Variants in CREB5 observed in about 807,000 individuals in gnomAD.
The protein encoded by CREB5 is cAMP responsive element binding protein 5, also known as cyclic AMP-responsive element-binding protein 5.
In CREB5, 19 loss-of-function variants were observed where a neutral mutation model predicts 57.1. The ratio of observed to expected loss-of-function variants is 0.33; its 90% confidence interval spans 0.23 to 0.49. CREB5 has a LOEUF of 0.49. CREB5 is among the 20% of genes least tolerant of loss of function. The probability of loss-of-function intolerance (pLI) is 0.99; values close to 1 mark genes in which losing one functional copy is unlikely to be tolerated. For missense variants in CREB5, 579 were observed against 671.6 expected, an observed-to-expected ratio of 0.86 and a Z score of 1.52; for synonymous variants, 238 against 238.3, an observed-to-expected ratio of 1.00 and a Z score of 0.01.
chr7:28,326,180 TC>T, intron 1 of CREB5, among the ~76,000 whole-genome samples: 1 of 150,192 alleles, frequency 6.7e-6, no homozygotes, highest in African/African-American at 2.4e-5. Flanking sequence ...TATCTATCTA[TC>T]TATCTATCTA....
At chr7:28,527,202 C>T (rs1793486774) in intron 4 of CREB5, among the ~76,000 whole-genome samples, 1 of 152,234 alleles carries the variant, frequency 6.6e-6, no homozygotes, top group Admixed American at 6.5e-5. Flanking sequence ...ACTATCACTC[C>T]TTCCTAAGCA....
rs138506155 is a variant in CREB5, at chr7:28,786,758, A to G, written c.703-17441A>G. Among the ~76,000 whole-genome samples, 963 of 152,256 alleles carry G rather than the reference A, an allele frequency of 6.3e-3. 9 individuals are homozygous for G. The highest frequency in any genetic ancestry group is 0.022 in the African/African-American group (906 of 41,520). On this transcript the variant is annotated intron_variant, in intron 7 of 10. Transcript: ENST00000357727. ...GATTGTTTGAAAATTGAAGTATTAA[A>G]GCCACTACCTAACTCAGGGCCCACT...
chr7:28,813,543 C>T (rs1479558445), intron 9 of CREB5, among the ~76,000 whole-genome samples: 3 of 152,140 alleles, frequency 2.0e-5, no homozygotes, highest in Non-Finnish European at 4.4e-5. Context: ...CAAACCTGGT[C>T]TCAGCTAATC....
chr7:28,468,164 G>A (rs767204832), intron 1 of CREB5, among the ~76,000 whole-genome samples: 4 of 152,160 alleles, frequency 2.6e-5, no homozygotes, highest in Admixed American at 6.5e-5. Flanking sequence ...CAAGCCGTGG[G>A]TAGGACATAG....
At chr7:28,576,611 A>C (rs1316091896) in intron 5 of CREB5, among the ~76,000 whole-genome samples, 1 of 152,214 alleles carries the variant, frequency 6.6e-6, no homozygotes, top group Non-Finnish European at 1.5e-5. Context: ...ATGTGTAAGA[A>C]AACTATAGCA....
At chr7:28,724,165 T>C in intron 6 of CREB5, 57 bp from the exon 7 acceptor site, 1 of 1,453,062 alleles carries the variant, frequency 6.9e-7, no homozygotes, top group Non-Finnish European at 9.5e-7. Context: ...TGCAGCTTTG[T>C]CTAATGACCT....
intron 5 of CREB5, among the ~76,000 whole-genome samples, chr7:28,667,465 C>T (rs921001350): frequency 4.0e-5 from 6 of 151,828 alleles, no homozygotes; most frequent in Admixed American, 6.6e-5. Flanking sequence ...GGCATATTTC[C>T]TTTCTTCCAT....
rs1394812564 is a variant in CREB5, at chr7:28,821,490, A to G, written c.*2211A>G. On this transcript the variant is annotated 3_prime_UTR_variant, in exon 11 of 11. Transcript: ENST00000357727. ...AAAAAAAAGCAAAAAAAGAAAAGAG[A>G]AAAAAAGAAAAAATGCAAATGGAAT... 6.6e-6 allele frequency: 1 copy of G among 151,590 alleles called. No homozygotes were observed. Among genetic ancestry groups the G allele is most frequent in the Non-Finnish European group, 1.5e-5 (1 of 67,912 alleles). 9.4% of individuals were successfully genotyped at this position (151,590 alleles called of 1,614,324 possible). A position where few individuals can be genotyped will look rare whatever the true frequency, so the allele number is the denominator to read the frequency against.
At chr7:28,380,916 G>A (rs188322284) in intron 1 of CREB5, among the ~76,000 whole-genome samples, 30 of 152,284 alleles carry the variant, frequency 2.0e-4, no homozygotes, top group Admixed American at 3.9e-4. Context: ...ATAGTAAGGG[G>A]TGGTTATTTG....
chr7:28,798,121 C>T (rs1484286727), intron 7 of CREB5, among the ~76,000 whole-genome samples: 4 of 152,208 alleles, frequency 2.6e-5, no homozygotes, highest in Admixed American at 6.5e-5. Flanking sequence ...GATACTTTCA[C>T]ATTTTTTTTC....
intron 7 of CREB5, 65 bp downstream of exon 7, chr7:28,724,397 C>G (rs760075850): frequency 1.4e-6 from 2 of 1,384,598 alleles, no homozygotes; most frequent in East Asian, 4.7e-5. Context: ...TTTACTCTGA[C>G]TCCAAAACCT....
chr7:28,306,541 GTTT>G (rs199561235), intron 1 of CREB5, among the ~76,000 whole-genome samples: 3 of 44,448 alleles, frequency 6.7e-5, no homozygotes, highest in African/African-American at 2.3e-4. Flanking sequence ...TACAGATACA[GTTT>G]TGTTTTTTTT....
intron 5 of CREB5, among the ~76,000 whole-genome samples, chr7:28,625,279 G>C (rs1212926833): frequency 1.3e-5 from 2 of 152,118 alleles, no homozygotes; most frequent in Non-Finnish European, 2.9e-5. Flanking sequence ...CATGCTGATA[G>C]GACGAACAAA....
chr7:28,459,050 G>C (rs1212919490), intron 1 of CREB5, among the ~76,000 whole-genome samples: 1 of 152,178 alleles, frequency 6.6e-6, no homozygotes, highest in African/African-American at 2.4e-5. Context: ...TCCCTGCCAA[G>C]ACGAACTGTA....
Position 28,766,971 on chromosome 7 carries a change from A to G in CREB5, c.703-37228A>G, listed in dbSNP as rs192725833. Among the ~76,000 whole-genome samples, 286 of 152,346 alleles carry G rather than the reference A, an allele frequency of 1.9e-3. 1 individual carries two copies. The highest frequency in any genetic ancestry group is 8.0e-3 in the Admixed American group (123 of 15,302). Reference sequence around the variant, plus strand: ...GTCATCTGCACTCCAGTTCAAACACAGAATTGGACGCTAAACATTATTTCT... The same window carrying G: ...GTCATCTGCACTCCAGTTCAAACACGGAATTGGACGCTAAACATTATTTCT... On this transcript the variant is annotated intron_variant, in intron 7 of 10. Coordinates refer to ENST00000357727, the MANE Select transcript of CREB5 (RefSeq NM_182898.4).
At chr7:28,781,912 T>C (rs1331689953) in intron 7 of CREB5, among the ~76,000 whole-genome samples, 2 of 150,090 alleles carry the variant, frequency 1.3e-5, no homozygotes, top group Non-Finnish European at 3.0e-5. Context: ...AATACAAATA[T>C]TCATTAAATT....
chr7:28,418,288 A>G (rs775963072), intron 1 of CREB5, among the ~76,000 whole-genome samples: 3 of 152,230 alleles, frequency 2.0e-5, no homozygotes, highest in Non-Finnish European at 4.4e-5. Flanking sequence ...GCACATCAGA[A>G]TGCTTTATTT....
At chr7:28,664,897 G>T (rs73083717) in intron 5 of CREB5, among the ~76,000 whole-genome samples, 1 of 152,118 alleles carries the variant, frequency 6.6e-6, no homozygotes, top group Non-Finnish European at 1.5e-5. Flanking sequence ...AAATAATGAG[G>T]GTTGTAAAAG....
intron 7 of CREB5, among the ~76,000 whole-genome samples, chr7:28,738,120 A>C (rs1480368043): frequency 6.6e-6 from 1 of 152,188 alleles, no homozygotes; most frequent in Non-Finnish European, 1.5e-5. Context: ...TATATATTAA[A>C]TTCCACCACC....
Sources: gnomAD v4.1 joint callset for allele counts (sites outside exome capture counted in the v4.1 genomes callset) on GRCh38, gnomAD v4.1.1 for gene constraint, MANE v1.5 for transcripts, NCBI Gene and HGNC (gene_info 2026-07-23, HGNC 2026-07-21) for gene names.